Variants in RPTOR observed in about 807,000 individuals in gnomAD.
RPTOR encodes the protein regulatory associated protein of MTOR complex 1, also known as regulatory-associated protein of mTOR.
In RPTOR, 21 loss-of-function variants were observed where a neutral mutation model predicts 169.9. That is an observed-to-expected ratio of 0.12 (90% CI 0.09 to 0.18). The LOEUF is 0.18. Among genes scored for constraint, RPTOR ranks in the 10% least tolerant of loss-of-function variants. The probability of loss-of-function intolerance (pLI) is 1.00; values close to 1 mark genes in which losing one functional copy is unlikely to be tolerated. For synonymous variants in RPTOR, 732 were observed against 753.2 expected, an observed-to-expected ratio of 0.97 and a Z score of 0.46; for missense variants, 1,133 against 1,855.9, an observed-to-expected ratio of 0.61 and a Z score of 7.16.
chr17:80,550,807 C>G (rs901573957), intron 1 of RPTOR, among the ~76,000 whole-genome samples: 3 of 152,224 alleles, frequency 2.0e-5, no homozygotes, highest in African/African-American at 7.2e-5. Flanking sequence ...CGTCTCTTGT[C>G]TGGACACTGC....
At position 80,707,310 on chromosome 17, in the gene RPTOR, A is replaced by G. The variant is rs1359632292; in HGVS notation, c.349-531A>G. On this transcript the variant is annotated intron_variant, in intron 3 of 33. Transcript: ENST00000306801. The surrounding 1 kb of genome is among the most constrained non-coding windows in gnomAD (Gnocchi z 5.0). The stretch of plus-strand genomic sequence containing the variant: ...GCCTTGGTGTTGCCATGTGACAGGC[A>G]TTACTTGTTTATCTCATTGTTGTTC... Among the ~76,000 whole-genome samples, 3 of 151,986 alleles carry G rather than the reference A, an allele frequency of 2.0e-5. No individual in the cohort carries two copies. Among genetic ancestry groups the G allele is most frequent in the Admixed American group, 1.3e-4 (2 of 15,276 alleles).
rs567526913 is a variant in RPTOR, at chr17:80,619,669, G to T, written c.163-6022G>T. ...CTTGGCCTGAGCTGGGGTGAGACTGGACACTCTTGATTGATTCCATGGAGA... is the reference window on the plus strand; with the variant it reads ...CTTGGCCTGAGCTGGGGTGAGACTGTACACTCTTGATTGATTCCATGGAGA... On this transcript the variant is annotated intron_variant, in intron 1 of 33. Coordinates refer to ENST00000306801, the MANE Select transcript of RPTOR (RefSeq NM_020761.3). Among the ~76,000 whole-genome samples, 4 of 152,292 alleles carry T rather than the reference G, an allele frequency of 2.6e-5. No homozygotes were observed. In the East Asian group the frequency reaches 7.7e-4, roughly 29 times the overall value.
intron 6 of RPTOR, among the ~76,000 whole-genome samples, chr17:80,777,235 CAAAAAAA>C (rs796854498): frequency 2.5e-5 from 3 of 122,190 alleles, no homozygotes; most frequent in South Asian, 2.5e-4. Flanking sequence ...AAGACCCTCT[CAAAAAAA>C]AAAAAAGAAA....
chr17:80,730,717 T>C lies in RPTOR; in HGVS notation c.654+11T>C. ...GAGCAGGAGCTGGAGGTGAGCGCTCTGGTGCTTGGAGAGCGGTGCTGGGTT... is the reference window on the plus strand; with the variant it reads ...GAGCAGGAGCTGGAGGTGAGCGCTCCGGTGCTTGGAGAGCGGTGCTGGGTT... On this transcript the variant is annotated intron_variant, in intron 5 of 33. Coordinates refer to ENST00000306801, the MANE Select transcript of RPTOR (RefSeq NM_020761.3). This position sits in a 1 kb window ranked among gnomAD's most constrained non-coding sequence, Gnocchi z 4.2. 1 of 1,358,246 alleles carries C rather than the reference T, an allele frequency of 7.4e-7. No individual in the cohort carries two copies. The highest frequency in any genetic ancestry group is 9.8e-7 in the Non-Finnish European group (1 of 1,020,178). 84.1% of individuals were successfully genotyped at this position (1,358,246 alleles called of 1,614,324 possible).
intron 1 of RPTOR, among the ~76,000 whole-genome samples, chr17:80,560,190 G>C (rs1486813628): frequency 6.6e-6 from 1 of 152,222 alleles, no homozygotes. Context: ...CATTGAGATG[G>C]TGTCTGTTCT....
intron 6 of RPTOR, among the ~76,000 whole-genome samples, chr17:80,763,693 T>C (rs1383538865): frequency 6.6e-6 from 1 of 152,082 alleles, no homozygotes; most frequent in Admixed American, 6.5e-5. Context: ...CAAAAATAAA[T>C]CATGCGCCCG....
Position 80,557,088 on chromosome 17 carries a change from T to C in RPTOR, c.162+11297T>C, listed in dbSNP as rs1265186038. Among the ~76,000 whole-genome samples the C allele has an allele frequency of 4.6e-5, 7 of 151,752 alleles. 1 individual carries two copies. Among genetic ancestry groups the C allele is most frequent in the Admixed American group, 1.3e-4 (2 of 15,220 alleles). On this transcript the variant is annotated intron_variant, in intron 1 of 33. Transcript: ENST00000306801. ...TTCAGCCTGGGTGACAGAGTGAAACTCTGTCTCATTGTTCCATTCTGAAGA... is the reference window on the plus strand; with the variant it reads ...TTCAGCCTGGGTGACAGAGTGAAACCCTGTCTCATTGTTCCATTCTGAAGA...
intron 23 of RPTOR, 116 bp from the exon 24 acceptor site, chr17:80,925,254 C>T: frequency 2.5e-6 from 2 of 787,802 alleles, no homozygotes; most frequent in East Asian, 2.7e-5. Flanking sequence ...TCCTTAGGGG[C>T]AGCCCGGTGC....
chr17:80,827,012 G>T (rs530485970), intron 9 of RPTOR, among the ~76,000 whole-genome samples: 1 of 152,230 alleles, frequency 6.6e-6, no homozygotes, highest in Admixed American at 6.5e-5. Context: ...CGCTCGGCCC[G>T]CGGGAAGGAA....
rs1218422899 is a variant in RPTOR at position 80,754,672 on chromosome 17, G to A, written c.830+487G>A. Among the ~76,000 whole-genome samples the A allele has an allele frequency of 6.6e-6, 1 of 152,190 alleles. No individual in the cohort carries two copies. Among genetic ancestry groups the A allele is most frequent in the Non-Finnish European group, 1.5e-5 (1 of 68,026 alleles). On this transcript the variant is annotated intron_variant, in intron 6 of 33. Transcript: ENST00000306801. This position sits in a 1 kb window ranked among gnomAD's most constrained non-coding sequence, Gnocchi z 4.2. ...GTCGGGAACATAACTGAAGAAATGT[G>A]TGTGATATTCCAAGATGGTAGAAGC...
chr17:80,784,875 T>C (rs1398240360), intron 6 of RPTOR, among the ~76,000 whole-genome samples: 8 of 152,044 alleles, frequency 5.3e-5, no homozygotes, highest in Admixed American at 5.2e-4. Context: ...ATGCTGGTTT[T>C]TTTTGTTGTT....
In RPTOR at chr17:80,646,430, C is replaced by T. The variant is rs1438692221; in HGVS notation, c.348+2620C>T. Among the ~76,000 whole-genome samples the T allele has an allele frequency of 4.6e-5, 7 of 152,250 alleles. No individual in the cohort carries two copies. Among genetic ancestry groups the T allele is most frequent in the Admixed American group, 1.3e-4 (2 of 15,276 alleles). ...TGGCACACTGCTCCTCACAGCTTTCCGTGGGTTACAGGACAGAGGGAGGGA... is the reference window on the plus strand; with the variant it reads ...TGGCACACTGCTCCTCACAGCTTTCTGTGGGTTACAGGACAGAGGGAGGGA... On this transcript the variant is annotated intron_variant, in intron 3 of 33. Coordinates refer to ENST00000306801, the MANE Select transcript of RPTOR (RefSeq NM_020761.3). This position sits in a 1 kb window ranked among gnomAD's most constrained non-coding sequence, Gnocchi z 5.0.
chr17:80,926,836 T>G (rs914380004), intron 24 of RPTOR, among the ~76,000 whole-genome samples: 5 of 152,064 alleles, frequency 3.3e-5, no homozygotes, highest in South Asian at 4.1e-4. Context: ...GAATTGGGCT[T>G]CTTTTGTGCC....
intron 6 of RPTOR, among the ~76,000 whole-genome samples, chr17:80,756,116 G>A (rs954057129): frequency 6.6e-6 from 1 of 152,226 alleles, no homozygotes; most frequent in Non-Finnish European, 1.5e-5. Context: ...CAACAGTGTT[G>A]GGAGGTGATT....
At chr17:80,869,008 C>T (rs189807863) in intron 13 of RPTOR, among the ~76,000 whole-genome samples, 95 of 152,214 alleles carry the variant, frequency 6.2e-4, no homozygotes, top group African/African-American at 2.2e-3. Context: ...TAGACTGTGG[C>T]GGTAGCTTCA....
chr17:80,684,946 A>G (rs930811356), intron 3 of RPTOR, among the ~76,000 whole-genome samples: 9 of 152,330 alleles, frequency 5.9e-5, no homozygotes, highest in African/African-American at 1.9e-4. Flanking sequence ...TTTTGCAATT[A>G]CAGATAATAC....
rs1424668401 is a variant in RPTOR, at chr17:80,798,677, TC to T, written c.890+7170del. On this transcript the variant is annotated intron_variant, in intron 7 of 33. Transcript: ENST00000306801. ...TGATGCGCATTCACCTGAGTGGCCT[TC>T]CTGGCCACAGGGCTGAGCCAAGGGG... Among the ~76,000 whole-genome samples, 5 of 152,212 alleles carry T rather than the reference TC, an allele frequency of 3.3e-5. No homozygotes were observed. The East Asian group carries it at 7.7e-4, about 24-fold the overall frequency.
rs1199093921 is a variant in RPTOR, at chr17:80,665,504, ATGTCCTTTCCT to A, written c.348+21696_348+21706del. On this transcript the variant is annotated intron_variant, in intron 3 of 33. Transcript: ENST00000306801. ...TTTCCTTTCCTTTCCTTTCCTTTCCATGTCCTTTCCTTTCCTTTCCATGTCCTTTCCTTTCC... is the reference window on the plus strand; with the variant it reads ...TTTCCTTTCCTTTCCTTTCCTTTCCATTCCTTTCCATGTCCTTTCCTTTCC... 1.8e-4 allele frequency among the ~76,000 whole-genome samples: 2 copies of A among 11,042 alleles called. 1 individual carries two copies. Among genetic ancestry groups the A allele is most frequent in the African/African-American group, 1.8e-3 (2 of 1,092 alleles). 7.2% of individuals were successfully genotyped at this position (11,042 alleles called of 152,430 possible). A position where few individuals can be genotyped will look rare whatever the true frequency, so the allele number is the denominator to read the frequency against.
intron 3 of RPTOR, among the ~76,000 whole-genome samples, chr17:80,685,159 A>C (rs1425577861): frequency 6.6e-6 from 1 of 151,842 alleles, no homozygotes; most frequent in Non-Finnish European, 1.5e-5. Flanking sequence ...CCCCTCATTC[A>C]GGGTCGCACC....
Sources: gnomAD v4.1 joint callset for allele counts (sites outside exome capture counted in the v4.1 genomes callset) on GRCh38, gnomAD v4.1.1 for gene constraint, Gnocchi (gnomAD v3.1) non-coding constraint, MANE v1.5 for transcripts, NCBI Gene and HGNC (gene_info 2026-07-23, HGNC 2026-07-21) for gene names.